TSHZ2: variants seen among roughly 807,000 people sequenced by gnomAD.
TSHZ2 encodes the protein teashirt homolog 2.
In TSHZ2, 21 loss-of-function variants were observed where a neutral mutation model predicts 74.4. The observed-to-expected ratio is 0.28, with a 90% CI of 0.20 to 0.41. The LOEUF is 0.41. TSHZ2 is among the 10% of genes least tolerant of loss of function. TSHZ2 has a pLI of 1.00. For missense variants in TSHZ2, 1,244 were observed against 1,293.5 expected (o/e 0.96, Z 0.59); for synonymous variants, 540 against 515.3 (o/e 1.05, Z -0.65).
intron 1 of TSHZ2, among the ~76,000 whole-genome samples, chr20:53,018,469 A>G (rs1394422958): frequency 1.3e-5 from 2 of 152,192 alleles, no homozygotes; most frequent in African/African-American, 4.8e-5. Context: ...GAAGCAAACC[A>G]GGGGCTAACA....
rs143605392 is a variant in TSHZ2, at chr20:52,986,617, T to C, written c.40+13284T>C. On this transcript the variant is annotated intron_variant, in intron 1 of 2. Transcript: ENST00000371497. ...GATGGGGCATTTCTGTAATCCCAGC[T>C]ACTCCGGAAGCTGAGCCAGGAGAAT... Among the ~76,000 whole-genome samples the C allele has an allele frequency of 8.9e-3, 1,350 of 151,078 alleles. 6 individuals carry two copies. Among genetic ancestry groups the C allele is most frequent in the Non-Finnish European group, 0.014 (938 of 67,876 alleles).
intron 2 of TSHZ2, among the ~76,000 whole-genome samples, chr20:53,259,649 T>C (rs1990561383): frequency 1.3e-5 from 2 of 152,184 alleles, no homozygotes; most frequent in Non-Finnish European, 2.9e-5. Flanking sequence ...GCCACTTCTG[T>C]TGTGGGCGGC....
At chr20:53,179,317 A>C (rs1988418769) in intron 1 of TSHZ2, 1 of 152,218 alleles carries the variant, frequency 6.6e-6, no homozygotes, top group Non-Finnish European at 1.5e-5. Context: ...CAAATTATCA[A>C]ACCTCTGTAT....
At chr20:53,408,376 C>A (rs1982924442) in intron 2 of TSHZ2, among the ~76,000 whole-genome samples, 1 of 152,196 alleles carries the variant, frequency 6.6e-6, no homozygotes, top group Non-Finnish European at 1.5e-5. Context: ...TTGTGTGGTT[C>A]TCAAGCCAGT....
At chr20:53,415,277 AGTCT>A (rs1983197003) in intron 2 of TSHZ2, among the ~76,000 whole-genome samples, 1 of 152,252 alleles carries the variant, frequency 6.6e-6, no homozygotes, top group Non-Finnish European at 1.5e-5. Flanking sequence ...TCATCTTTGT[AGTCT>A]AATGAATGTC....
chr20:53,288,115 G>A lies in TSHZ2; in HGVS notation c.*8+31544G>A, dbSNP rs537166655. On this transcript the variant is annotated intron_variant, in intron 2 of 2. Transcript: ENST00000371497. The stretch of plus-strand genomic sequence containing the variant: ...TTCTTAATGTCAAAAACTAGTTACC[G>A]GTAGGCCAGGTGCAGTGGCTCACAC... Among the ~76,000 whole-genome samples the A allele has an allele frequency of 8.5e-5, 13 of 152,066 alleles. No homozygotes were observed. The South Asian group carries it at 2.7e-3, about 32-fold the overall frequency.
chr20:53,148,776 G>A (rs780012147), intron 1 of TSHZ2, among the ~76,000 whole-genome samples: 8 of 152,146 alleles, frequency 5.3e-5, no homozygotes, highest in Non-Finnish European at 1.0e-4. Flanking sequence ...GTCTTTGTAT[G>A]GAGGGAATCC....
intron 2 of TSHZ2, among the ~76,000 whole-genome samples, chr20:53,438,319 A>G (rs1426690518): frequency 6.6e-6 from 1 of 152,042 alleles, no homozygotes; most frequent in African/African-American, 2.4e-5. Flanking sequence ...CATGTTGGCC[A>G]GGCTGGTCTC....
intron 1 of TSHZ2, among the ~76,000 whole-genome samples, chr20:53,058,434 G>A (rs1984714415): frequency 6.6e-6 from 1 of 152,198 alleles, no homozygotes; most frequent in South Asian, 2.1e-4. Context: ...TACAGTTTGT[G>A]AGGCCTGATG....
At chr20:53,340,177 C>CTTTCTTTT (rs1555852081) in intron 2 of TSHZ2, among the ~76,000 whole-genome samples, 3 of 94,080 alleles carry the variant, frequency 3.2e-5, no homozygotes, top group African/African-American at 9.0e-5. Context: ...ACTTTTCTTT[C>CTTTCTTTT]TTTTTTCTTT....
intron 1 of TSHZ2, among the ~76,000 whole-genome samples, chr20:53,061,141 G>A (rs1157154732): frequency 6.6e-6 from 1 of 152,216 alleles, no homozygotes; most frequent in Non-Finnish European, 1.5e-5. Flanking sequence ...ATGAATGACT[G>A]AATGCAACCC....
chr20:53,222,622 C>T (rs567174038), intron 1 of TSHZ2, among the ~76,000 whole-genome samples: 9 of 152,312 alleles, frequency 5.9e-5, no homozygotes, highest in East Asian at 1.9e-4. Flanking sequence ...CTGAGGGACA[C>T]GGTGTCACTT....
chr20:53,163,763 A>G (rs1600719551), intron 1 of TSHZ2, among the ~76,000 whole-genome samples: 1 of 152,156 alleles, frequency 6.6e-6, no homozygotes, highest in Non-Finnish European at 1.5e-5. Context: ...CAGTGGCTTG[A>G]CTGCAACCTG....
At chr20:53,284,424 A>G (rs190354875) in intron 2 of TSHZ2, among the ~76,000 whole-genome samples, 39 of 152,324 alleles carry the variant, frequency 2.6e-4, no homozygotes, top group African/African-American at 9.1e-4. Context: ...GCCAGTTCAC[A>G]TTTGCAAATC....
chr20:53,468,753 C>T (rs946956811), intron 2 of TSHZ2, among the ~76,000 whole-genome samples: 4 of 148,254 alleles, frequency 2.7e-5, no homozygotes, highest in Non-Finnish European at 5.9e-5. Flanking sequence ...GGCAGTGGGT[C>T]GTCTGGTTTG....
intron 2 of TSHZ2, among the ~76,000 whole-genome samples, chr20:53,482,108 TAAAA>T (rs570413572): frequency 1.5e-4 from 11 of 74,332 alleles, no homozygotes; most frequent in South Asian, 1.1e-3. Context: ...CTCCATCTCA[TAAAA>T]AAAAAAAAAA....
intron 1 of TSHZ2, among the ~76,000 whole-genome samples, chr20:53,132,992 T>C (rs1398422594): frequency 6.6e-6 from 1 of 152,200 alleles, no homozygotes; most frequent in Non-Finnish European, 1.5e-5. Context: ...CTCTTTCTCA[T>C]TCTTTTCTCT....
rs1990464514 is a variant in TSHZ2 at position 53,255,858 on chromosome 20, A to G, written c.2400A>G (p.Lys800=). Residue 800 remains lysine, a synonymous_variant, in exon 2 of 3, where the codon AAA becomes AAG. Transcript: ENST00000371497. The surrounding 1 kb of genome is among the most constrained non-coding windows in gnomAD (Gnocchi z 4.1). ...HALSDIADMV[K]VLPKATTPKP... ...TGTCTGACATCGCCGACATGGTCAA[A>G]GTCCTCCCCAAAGCCACCACCCCAA... 1 of 1,611,596 alleles carries G rather than the reference A, an allele frequency of 6.2e-7. No individual in the cohort carries two copies. Among genetic ancestry groups the G allele is most frequent in the Non-Finnish European group, 8.5e-7 (1 of 1,178,456 alleles).
intron 2 of TSHZ2, among the ~76,000 whole-genome samples, chr20:53,311,582 A>G (rs915347293): frequency 9.2e-5 from 14 of 152,192 alleles, no homozygotes; most frequent in African/African-American, 3.4e-4. Flanking sequence ...GCAGACTGTG[A>G]ACGTGCATCT....
Sources: allele counts gnomAD v4.1 joint callset (sites outside exome capture counted in the v4.1 genomes callset), GRCh38; gene constraint gnomAD v4.1.1; non-coding constraint Gnocchi (gnomAD v3.1); transcripts MANE v1.5; gene names NCBI Gene and HGNC (gene_info 2026-07-23, HGNC 2026-07-21).